OSBPL10: variants seen among roughly 807,000 people sequenced by gnomAD.
The protein encoded by OSBPL10 is oxysterol-binding protein-related protein 10.
OSBPL10 carries 49 observed loss-of-function variants against 81.7 expected under a neutral mutation model. The ratio of observed to expected loss-of-function variants is 0.60; its 90% CI spans 0.48 to 0.76. OSBPL10 has a LOEUF of 0.76. Ranked by LOEUF, OSBPL10 falls within the 30% of genes least tolerant of loss-of-function variation. The probability of loss-of-function intolerance (pLI) is 0.00; values close to 1 mark genes in which losing one functional copy is unlikely to be tolerated. For synonymous variants in OSBPL10, 419 were observed against 383.6 expected, an observed-to-expected ratio of 1.09 and a Z score of -1.08; for missense variants, 923 against 987.8, an observed-to-expected ratio of 0.93 and a Z score of 0.88.
chr3:31,860,202 C>T (rs1028629351), intron 3 of OSBPL10, among the ~76,000 whole-genome samples: 3 of 152,160 alleles, frequency 2.0e-5, no homozygotes, highest in African/African-American at 7.2e-5. Flanking sequence ...GAAGCCTGCA[C>T]CTCGGCAACC....
intron 1 of OSBPL10, among the ~76,000 whole-genome samples, chr3:31,915,948 T>A (rs1042519669): frequency 7.9e-5 from 12 of 151,470 alleles, no homozygotes; most frequent in Non-Finnish European, 1.5e-4. Context: ...TATAAAAAAT[T>A]AGCCAGGTGT....
In OSBPL10 at chr3:31,736,031, G is replaced by A. The variant is rs73826863; in HGVS notation, c.941-2620C>T. On this transcript the variant is annotated intron_variant, in intron 5 of 11. Coordinates refer to ENST00000396556, the MANE Select transcript of OSBPL10 (RefSeq NM_017784.5). ...ACAGAAAACTTTAAGAAGAGTGCAC[G>A]TTATAGCCTCCTAAAAATTAAAAAA... is the stretch of plus-strand genomic sequence containing the variant. 4.6e-3 allele frequency among the ~76,000 whole-genome samples: 697 copies of A among 152,148 alleles called. 8 individuals carry two copies. Among genetic ancestry groups the A allele is most frequent in the African/African-American group, 0.016 (670 of 41,498 alleles).
intron 4 of OSBPL10, among the ~76,000 whole-genome samples, chr3:31,824,012 C>T (rs1209350209): frequency 6.6e-6 from 1 of 152,022 alleles, no homozygotes; most frequent in Non-Finnish European, 1.5e-5. Flanking sequence ...CCACCACACC[C>T]AGCTACTTTT....
At chr3:31,983,377 C>A (rs1327185451), upstream of OSBPL10, among the ~76,000 whole-genome samples, 1 of 152,162 alleles carries the variant, frequency 6.6e-6, no homozygotes, top group Non-Finnish European at 1.5e-5. Context: ...ACCTATGCCA[C>A]CATTACTCCA....
chr3:31,957,716 C>T (rs1288066025), intron 1 of OSBPL10, among the ~76,000 whole-genome samples: 1 of 152,190 alleles, frequency 6.6e-6, no homozygotes, highest in Admixed American at 6.5e-5. Flanking sequence ...TCTCGGCTCA[C>T]TGCAACCTCC....
At chr3:31,772,635 C>G (rs1458005591) in intron 4 of OSBPL10, among the ~76,000 whole-genome samples, 1 of 152,218 alleles carries the variant, frequency 6.6e-6, no homozygotes, top group East Asian at 1.9e-4. Context: ...CCGTCTCTAT[C>G]CTCTGGTCAT....
chr3:31,994,432 G>A (rs908204003), intron 2 of OSBPL10, among the ~76,000 whole-genome samples: 9 of 152,190 alleles, frequency 5.9e-5, no homozygotes, highest in African/African-American at 1.7e-4. Flanking sequence ...AGGTATATGA[G>A]GTCAAATGTC....
rs114278647 is a variant in OSBPL10, at chr3:31,992,162, A to C, written n.298+54329T>G. Among the ~76,000 whole-genome samples the C allele has an allele frequency of 7.3e-3, 1,109 of 151,692 alleles. 17 individuals are homozygous for C. The highest frequency in any genetic ancestry group is 0.025 in the African/African-American group (1,040 of 41,270). ...CTCCATCTCAAAAAAAAAAAAAAAA[A>C]GATATGTCAGTGTGGTGTAGGCAAA... On this transcript the variant is annotated intron_variant and non_coding_transcript_variant, in intron 2 of 3. Coordinates refer to the OSBPL10 transcript ENST00000479173.
intron 9 of OSBPL10, among the ~76,000 whole-genome samples, chr3:31,670,515 C>T (rs981581277): frequency 6.6e-6 from 1 of 152,160 alleles, no homozygotes; most frequent in African/African-American, 2.4e-5. Context: ...CAAACTGTGG[C>T]TTCAGAAGGG....
intron 3 of OSBPL10, among the ~76,000 whole-genome samples, chr3:31,838,467 C>T (rs1444484412): frequency 1.5e-5 from 2 of 136,730 alleles, no homozygotes; most frequent in African/African-American, 2.8e-5. Context: ...GCCGAGATCA[C>T]GAGACGGCAC....
chr3:31,805,311 T>C (rs1575556352), intron 4 of OSBPL10, among the ~76,000 whole-genome samples: 1 of 152,188 alleles, frequency 6.6e-6, no homozygotes, highest in South Asian at 2.1e-4. Context: ...TTACCAGAAA[T>C]GCTGGTCTCA....
chr3:31,985,710 C>G (rs117490346), upstream of OSBPL10, among the ~76,000 whole-genome samples: 19 of 152,334 alleles, frequency 1.2e-4, no homozygotes, highest in East Asian at 3.7e-3. Context: ...TCTCTGATAT[C>G]AACTTGGTCA....
intron 2 of OSBPL10, among the ~76,000 whole-genome samples, chr3:31,993,920 A>G (rs9882456): frequency 6.6e-6 from 1 of 152,236 alleles, no homozygotes; most frequent in Admixed American, 6.5e-5. Context: ...TTGTTTGTGA[A>G]TGTTTATTGA....
upstream of OSBPL10, among the ~76,000 whole-genome samples, chr3:31,984,460 G>GA (rs2125513397): frequency 6.6e-6 from 1 of 152,130 alleles, no homozygotes; most frequent in South Asian, 2.1e-4. Flanking sequence ...CTTGCACTGA[G>GA]TCAGTTCCTG....
intron 2 of OSBPL10, among the ~76,000 whole-genome samples, chr3:32,027,480 A>C (rs983668381): frequency 1.3e-5 from 2 of 152,194 alleles, no homozygotes; most frequent in African/African-American, 2.4e-5. Flanking sequence ...ATATTCATCA[A>C]AGAAAAGACT....
rs1022451370 is a variant in OSBPL10 at position 31,748,038 on chromosome 3, A to G, written c.812T>C (p.Leu271Ser). The G allele has an allele frequency of 4.3e-6, 7 of 1,614,098 alleles. No homozygotes were observed. The African/African-American group carries it at 9.3e-5, about 22-fold the overall frequency. ...SLPGSGPLTA[L>S]DQDLLLLKAT... ...TTTCAGGAGCAGCAGGTCCTGGTCC[A>G]AGGCAGTGAGGGGGCCGGACCCTGG... The change falls in exon 5 of 12, where the codon TTG becomes TCG. Residue 271 changes from leucine to serine, a missense_variant. By Grantham distance (145) the Leu-to-Ser change is moderately radical. This residue lies in a region of OSBPL10 where 514 missense variants were observed against 508.0 expected (regional missense o/e 1.01). Coordinates refer to ENST00000396556, the MANE Select transcript of OSBPL10 (RefSeq NM_017784.5).
intron 3 of OSBPL10, among the ~76,000 whole-genome samples, chr3:31,856,838 G>A (rs1385356938): frequency 1.3e-5 from 2 of 152,218 alleles, no homozygotes; most frequent in Non-Finnish European, 2.9e-5. Context: ...TGCTTTGGGA[G>A]GCCAAGGTGG....
intron 9 of OSBPL10, among the ~76,000 whole-genome samples, chr3:31,669,347 T>C (rs952505292): frequency 1.3e-5 from 2 of 151,986 alleles, no homozygotes; most frequent in Non-Finnish European, 2.9e-5. Context: ...CAAAATAGTA[T>C]CTAATAATGC....
At chr3:31,881,084 A>G (rs888750827) in intron 1 of OSBPL10, among the ~76,000 whole-genome samples, 1 of 152,208 alleles carries the variant, frequency 6.6e-6, no homozygotes, top group Non-Finnish European at 1.5e-5. Context: ...TGACCGGGTC[A>G]AATATTCTTT....
Sources: gnomAD v4.1 joint callset for allele counts (sites outside exome capture counted in the v4.1 genomes callset) on GRCh38, gnomAD v4.1.1 for gene constraint, gnomAD v4.1.1 regional missense constraint, MANE v1.5 for transcripts, NCBI Gene and HGNC (gene_info 2026-07-23, HGNC 2026-07-21) for gene names.